GALNT1: variants seen among roughly 807,000 people sequenced by gnomAD.
GALNT1 encodes GalNAc transferase 1.
In GALNT1, 17 loss-of-function variants were observed where a neutral mutation model predicts 65.7. That is an observed-to-expected ratio of 0.26 (90% CI 0.18 to 0.39). GALNT1 has a LOEUF of 0.39. GALNT1 is among the 10% of genes least tolerant of loss of function. The pLI is 1.00. For synonymous variants in GALNT1, 210 were observed against 219.7 expected (o/e 0.96, Z 0.39); for missense variants, 460 against 672.8 (o/e 0.68, Z 3.50).
At chr18:35,667,403 C>T (rs895283074) in intron 3 of GALNT1, among the ~76,000 whole-genome samples, 1 of 151,888 alleles carries the variant, frequency 6.6e-6, no homozygotes, top group African/African-American at 2.4e-5. Flanking sequence ...CAAGCAAAGA[C>T]AAAACATTTC....
At chr18:35,668,713 G>A (rs1202164402) in intron 3 of GALNT1, among the ~76,000 whole-genome samples, 3 of 152,102 alleles carry the variant, frequency 2.0e-5, no homozygotes, top group African/African-American at 4.8e-5. Context: ...TATTGTGCCT[G>A]TAGATAACAA....
intron 1 of GALNT1, among the ~76,000 whole-genome samples, chr18:35,649,188 A>G (rs1160952623): frequency 6.6e-6 from 1 of 152,220 alleles, no homozygotes; most frequent in Non-Finnish European, 1.5e-5. Context: ...GCACCGTATT[A>G]GAGTTCCAGT....
chr18:35,661,023 T>A (rs867268909), intron 2 of GALNT1, among the ~76,000 whole-genome samples: 1 of 152,200 alleles, frequency 6.6e-6, no homozygotes, highest in South Asian at 2.1e-4. Context: ...TTGTATATGC[T>A]GTACATTTTT....
rs2046320839 is a variant in GALNT1 at position 35,581,801 on chromosome 18, C to G, written c.-165C>G. On this transcript the variant is annotated 5_prime_UTR_variant, in exon 1 of 12. Transcript: ENST00000269195. The stretch of plus-strand genomic sequence containing the variant: ...AGTAGCGCGCTGGCCGCGGGACCGG[C>G]CGCGACCGCCGCGGCCGGCCCGGAG... 1.5e-4 allele frequency: 1 copy of G among 6,666 alleles called. No individual in the cohort carries two copies. 0.4% of individuals were successfully genotyped at this position (6,666 alleles called of 1,614,324 possible). A position where few individuals can be genotyped will look rare whatever the true frequency, so the allele number is the denominator to read the frequency against.
chr18:35,634,859 G>A (rs937053891), intron 1 of GALNT1, among the ~76,000 whole-genome samples: 2 of 152,244 alleles, frequency 1.3e-5, no homozygotes, highest in Non-Finnish European at 2.9e-5. Flanking sequence ...GGCCAATCTC[G>A]ACAACCAAGT....
At chr18:35,686,943 A>C in intron 5 of GALNT1, 73 bp from the exon 6 acceptor site, 1 of 1,396,998 alleles carries the variant, frequency 7.2e-7, no homozygotes, top group South Asian at 1.4e-5. Context: ...AACACTTACT[A>C]TACAATTGTT....
chr18:35,583,197 G>A (rs1053233550), intron 1 of GALNT1, among the ~76,000 whole-genome samples: 6 of 152,192 alleles, frequency 3.9e-5, no homozygotes, highest in African/African-American at 1.4e-4. Flanking sequence ...TCCAAGTGTG[G>A]ATGGTGTACC....
At chr18:35,606,824 TGTGTGTG>T (rs2046654864) in intron 1 of GALNT1, among the ~76,000 whole-genome samples, 1 of 16,826 alleles carries the variant, frequency 5.9e-5, no homozygotes. Flanking sequence ...TGATGTTTTG[TGTGTGTG>T]TGTGTGTGTG....
chr18:35,651,869 A>C (rs543767387), intron 1 of GALNT1, among the ~76,000 whole-genome samples: 33 of 152,362 alleles, frequency 2.2e-4, no homozygotes, highest in Non-Finnish European at 4.7e-4. Context: ...GCAAATTAAC[A>C]ATCTTTTAAA....
chr18:35,687,283 C>T (rs139891735), intron 6 of GALNT1, 97 bp downstream of exon 6: 17 of 1,197,612 alleles, frequency 1.4e-5, no homozygotes, highest in African/African-American at 6.1e-5. Context: ...TTTTGAGAAA[C>T]GTGAAGCATT....
intron 9 of GALNT1, among the ~76,000 whole-genome samples, chr18:35,701,709 A>T (rs995181568): frequency 7.2e-5 from 11 of 152,210 alleles, no homozygotes; most frequent in African/African-American, 2.7e-4. Context: ...TGGAGAAATG[A>T]TAATGAGGTT....
intron 1 of GALNT1, among the ~76,000 whole-genome samples, chr18:35,604,489 C>G (rs1453157521): frequency 2.0e-5 from 3 of 152,132 alleles, no homozygotes; most frequent in African/African-American, 7.2e-5. Context: ...TGAGAAATCT[C>G]CAAGCTGCTT....
intron 1 of GALNT1, among the ~76,000 whole-genome samples, chr18:35,586,012 A>G (rs1402067610): frequency 6.6e-6 from 1 of 152,132 alleles, no homozygotes; most frequent in Non-Finnish European, 1.5e-5. Context: ...GTTGTGTGGC[A>G]GTTGCATGTT....
At chr18:35,663,556 G>A (rs1280537250) in intron 2 of GALNT1, 72 bp from the exon 3 acceptor site, 20 of 1,465,876 alleles carry the variant, frequency 1.4e-5, no homozygotes, top group Non-Finnish European at 1.8e-5. Flanking sequence ...AAACACAAAT[G>A]TTATTAAATA....
chr18:35,702,120 TATGTGTTTATAG>T (rs2048174952), intron 9 of GALNT1, among the ~76,000 whole-genome samples: 1 of 152,190 alleles, frequency 6.6e-6, no homozygotes, highest in Admixed American at 6.5e-5. Flanking sequence ...GCAGACTGTA[TATGTGTTTATAG>T]AAGTAACTGG....
At chr18:35,708,074 C>G (rs564010646) in intron 11 of GALNT1, among the ~76,000 whole-genome samples, 2 of 152,150 alleles carry the variant, frequency 1.3e-5, no homozygotes, top group East Asian at 3.9e-4. Flanking sequence ...TCATAAAAAC[C>G]CGGTGAGGTA....
intron 1 of GALNT1, among the ~76,000 whole-genome samples, chr18:35,644,245 A>AT (rs2047201832): frequency 6.6e-6 from 1 of 152,192 alleles, no homozygotes; most frequent in South Asian, 2.1e-4. Context: ...TTATTTGCTA[A>AT]TTTTTTGTTA....
intron 11 of GALNT1, among the ~76,000 whole-genome samples, chr18:35,705,386 T>C (rs937728538): frequency 6.6e-6 from 1 of 152,240 alleles, no homozygotes; most frequent in Non-Finnish European, 1.5e-5. Context: ...TTCTCCACTA[T>C]TAGATTGTTA....
At chr18:35,605,490 CAAAA>C (rs1175947462) in intron 1 of GALNT1, among the ~76,000 whole-genome samples, 1 of 115,872 alleles carries the variant, frequency 8.6e-6, no homozygotes. Context: ...GACTCTGTCT[CAAAA>C]AAAAAAAAAA....
Sources: allele counts gnomAD v4.1 joint callset (sites outside exome capture counted in the v4.1 genomes callset), GRCh38; gene constraint gnomAD v4.1.1; transcripts MANE v1.5; gene names NCBI Gene and HGNC (gene_info 2026-07-23, HGNC 2026-07-21).